Variants in NKAIN2 observed in about 807,000 individuals in gnomAD.
NKAIN2 encodes sodium/potassium transporting ATPase interacting 2.
A neutral mutation model predicts 32.6 loss-of-function variants in NKAIN2; 14 were observed. The observed-to-expected ratio is 0.43, with a 90% CI of 0.28 to 0.67. The LOEUF is 0.67. Among genes scored for constraint, NKAIN2 ranks in the 30% least tolerant of loss-of-function variants. The probability of loss-of-function intolerance (pLI) is 0.17; values close to 1 mark genes in which losing one functional copy is unlikely to be tolerated. For synonymous variants in NKAIN2, 80 were observed against 87.2 expected (o/e 0.92, Z 0.46); for missense variants, 198 against 258.3 (o/e 0.77, Z 1.60).
At chr6:123,953,333 T>TC (rs1405629704) in intron 1 of NKAIN2, among the ~76,000 whole-genome samples, 2 of 152,170 alleles carry the variant, frequency 1.3e-5, no homozygotes, top group East Asian at 3.9e-4. Context: ...ATTAGTGAAT[T>TC]CAGGCAGGCT....
intron 1 of NKAIN2, among the ~76,000 whole-genome samples, chr6:124,259,147 G>A (rs1489900309): frequency 6.6e-6 from 1 of 152,100 alleles, no homozygotes; most frequent in African/African-American, 2.4e-5. Flanking sequence ...CTGGCCTTTT[G>A]TTGATTCTGT....
At chr6:124,454,286 C>T (rs1776238464) in intron 3 of NKAIN2, among the ~76,000 whole-genome samples, 1 of 151,870 alleles carries the variant, frequency 6.6e-6, no homozygotes, top group Admixed American at 6.6e-5. Flanking sequence ...TTAGTCCAGT[C>T]CCACCATTTA....
chr6:124,267,954 G>A (rs922155781), intron 1 of NKAIN2, among the ~76,000 whole-genome samples: 46 of 152,170 alleles, frequency 3.0e-4, no homozygotes, highest in African/African-American at 1.0e-3. Context: ...CTTAATTATT[G>A]TTTTTCCACT....
intron 4 of NKAIN2, among the ~76,000 whole-genome samples, chr6:124,707,913 G>A (rs920426171): frequency 6.6e-6 from 1 of 151,934 alleles, no homozygotes; most frequent in African/African-American, 2.4e-5. Context: ...TGAAGTCCTT[G>A]CCCATGCCTA....
At chr6:124,516,560 ATTG>A (rs1778922254) in intron 3 of NKAIN2, among the ~76,000 whole-genome samples, 1 of 152,136 alleles carries the variant, frequency 6.6e-6, no homozygotes, top group Non-Finnish European at 1.5e-5. Flanking sequence ...TCATGTGATT[ATTG>A]TTATGTTATT....
chr6:124,459,798 TC>T (rs1359511263), intron 3 of NKAIN2, among the ~76,000 whole-genome samples: 1 of 151,870 alleles, frequency 6.6e-6, no homozygotes, highest in African/African-American at 2.4e-5. Context: ...CTTCTATAAA[TC>T]CTGTTTAGAT....
At chr6:123,840,335 C>A (rs9482473) in intron 1 of NKAIN2, among the ~76,000 whole-genome samples, 10,891 of 151,854 alleles carry the variant, frequency 0.072, 1,100 homozygotes, top group African/African-American at 0.23. Flanking sequence ...ATCTCTTCTG[C>A]CAAAAAATTA....
At chr6:123,852,877 G>A (rs1775408598) in intron 1 of NKAIN2, among the ~76,000 whole-genome samples, 1 of 151,864 alleles carries the variant, frequency 6.6e-6, no homozygotes, top group African/African-American at 2.4e-5. Flanking sequence ...TAGAGTAGAT[G>A]TGGTGCTCCG....
chr6:124,235,036 CT>C (rs1296808273), intron 1 of NKAIN2, among the ~76,000 whole-genome samples: 2 of 152,136 alleles, frequency 1.3e-5, no homozygotes, highest in African/African-American at 4.8e-5. Context: ...AATTTTCCAT[CT>C]GTCTCCTACT....
At position 124,543,027 on chromosome 6, in the gene NKAIN2, T is replaced by G. The variant is rs547921729; in HGVS notation, c.274-115159T>G. ...TTCACAGCACTTGATAAACATTAAA[T>G]TAGAGCTTTGTTCAGCATGGCTGCT... On this transcript the variant is annotated intron_variant, in intron 3 of 6. Coordinates refer to ENST00000368417, the MANE Select transcript of NKAIN2 (RefSeq NM_001040214.3). Among the ~76,000 whole-genome samples, 9 of 152,222 alleles carry G rather than the reference T, an allele frequency of 5.9e-5. No individual in the cohort carries two copies. In the South Asian group the frequency reaches 1.9e-3, roughly 32 times the overall value.
chr6:124,233,557 T>C (rs1582894798), intron 1 of NKAIN2, among the ~76,000 whole-genome samples: 1 of 152,312 alleles, frequency 6.6e-6, no homozygotes, highest in Non-Finnish European at 1.5e-5. Flanking sequence ...CTTGTCTTCC[T>C]TTCCTCAAAT....
At chr6:124,134,318 T>TC (rs984235616) in intron 1 of NKAIN2, among the ~76,000 whole-genome samples, 4 of 152,074 alleles carry the variant, frequency 2.6e-5, no homozygotes, top group African/African-American at 9.7e-5. Flanking sequence ...GACAAGGCTT[T>TC]CAACTAACCC....
intron 3 of NKAIN2, among the ~76,000 whole-genome samples, chr6:124,487,433 A>G (rs945494064): frequency 6.6e-6 from 1 of 152,176 alleles, no homozygotes; most frequent in Admixed American, 6.5e-5. Flanking sequence ...TCAACAGCTT[A>G]ACTTAGGAAG....
At chr6:124,392,614 G>A (rs1773190986) in intron 3 of NKAIN2, among the ~76,000 whole-genome samples, 1 of 152,010 alleles carries the variant, frequency 6.6e-6, no homozygotes, top group South Asian at 2.1e-4. Flanking sequence ...TGAAAAAGCT[G>A]TGGAAGCACG....
chr6:124,113,295 A>G (rs1785467646), intron 1 of NKAIN2, among the ~76,000 whole-genome samples: 1 of 151,926 alleles, frequency 6.6e-6, no homozygotes. Flanking sequence ...CACTGTTTCT[A>G]TTTTTCCTCA....
intron 2 of NKAIN2, among the ~76,000 whole-genome samples, chr6:124,349,713 A>G (rs1798622369): frequency 6.6e-6 from 1 of 152,190 alleles, no homozygotes; most frequent in Non-Finnish European, 1.5e-5. Flanking sequence ...AACCCATGAC[A>G]TATAATAGGG....
intron 1 of NKAIN2, among the ~76,000 whole-genome samples, chr6:124,227,449 T>C (rs1261889086): frequency 6.6e-6 from 1 of 152,232 alleles, no homozygotes; most frequent in Non-Finnish European, 1.5e-5. Flanking sequence ...TGTGAGTTTT[T>C]CTAAGCTTTG....
chr6:123,827,065 G>T (rs1050836738), intron 1 of NKAIN2, among the ~76,000 whole-genome samples: 3 of 151,986 alleles, frequency 2.0e-5, no homozygotes, highest in African/African-American at 7.3e-5. Context: ...TCTCATTGTG[G>T]TTCTGATTTC....
At position 124,274,074 on chromosome 6, in the gene NKAIN2, A is replaced by C. The variant is rs574097258; in HGVS notation, c.55-8931A>C. On this transcript the variant is annotated intron_variant, in intron 1 of 6. Coordinates refer to ENST00000368417, the MANE Select transcript of NKAIN2 (RefSeq NM_001040214.3). ...TCACATGAGTATAGGGAGACTTTAA[A>C]CTTAATAAATGAGAATCAGACTACA... 5.4e-4 allele frequency among the ~76,000 whole-genome samples: 83 copies of C among 152,304 alleles called. No individual in the cohort carries two copies. In the South Asian group the frequency reaches 8.3e-3, roughly 15 times the overall value.
Sources: gnomAD v4.1 joint callset for allele counts (sites outside exome capture counted in the v4.1 genomes callset) on GRCh38, gnomAD v4.1.1 for gene constraint, MANE v1.5 for transcripts, NCBI Gene and HGNC (gene_info 2026-07-23, HGNC 2026-07-21) for gene names.